Variants in CPLANE1 observed in about 807,000 individuals in gnomAD.
CPLANE1 encodes ciliogenesis and planar polarity effector complex subunit 1, also known as ciliogenesis and planar polarity effector 1.
CPLANE1 carries 263 observed loss-of-function variants against 362.5 expected under a neutral mutation model. The ratio of observed to expected loss-of-function variants is 0.73; its 90% CI spans 0.66 to 0.80. The LOEUF (loss-of-function observed/expected upper bound fraction) is 0.80, where lower values mean the gene tolerates loss of function less well. CPLANE1 is among the 30% of genes least tolerant of loss of function. CPLANE1 has a pLI of 0.00. For missense variants in CPLANE1, 3,461 were observed against 3,793.4 expected (o/e 0.91, Z 2.30); for synonymous variants, 1,212 against 1,302.6 (o/e 0.93, Z 1.50).
At chr5:37,239,206 AG>A (rs1472363521) in intron 7 of CPLANE1, among the ~76,000 whole-genome samples, 1 of 152,164 alleles carries the variant, frequency 6.6e-6, no homozygotes, top group Non-Finnish European at 1.5e-5. Flanking sequence ...CTGAAAGCCA[AG>A]TTTTGAAAGT....
Position 37,173,931 on chromosome 5 carries a change from A to G in CPLANE1, c.5995T>C (p.Tyr1999His), listed in dbSNP as rs747044097. ...SEISSAQIST[Y>H]KEKSSSVPLL... ...GGAACTGAGGAAGATTTTTCTTTATATGTAGAAATCTGTGCACTGCGTGGA... is the reference window on the plus strand; with the variant it reads ...GGAACTGAGGAAGATTTTTCTTTATGTGTAGAAATCTGTGCACTGCGTGGA... The change falls in exon 32 of 53, where the codon TAT becomes CAT. Residue 1999 changes from tyrosine (Y) to histidine (H), a missense_variant. Physicochemically the swap from Tyr to His is moderately conservative, Grantham distance 83. This residue lies in a region of CPLANE1 where 3,380 missense variants were observed against 3,666.1 expected (regional missense o/e 0.92). Transcript: ENST00000651892. 6.2e-7 allele frequency: 1 copy of G among 1,614,102 alleles called. No individual in the cohort carries two copies. The highest frequency in any genetic ancestry group is 1.7e-5 in the Admixed American group (1 of 60,004).
At chr5:37,199,331 G>A (rs1055111887) in intron 19 of CPLANE1, among the ~76,000 whole-genome samples, 7 of 152,086 alleles carry the variant, frequency 4.6e-5, no homozygotes, top group African/African-American at 1.7e-4. Context: ...CTCCATTGGT[G>A]GGATGTTACA....
At chr5:37,211,779 C>G (rs1451134308) in intron 16 of CPLANE1, 1 of 795,286 alleles carries the variant, frequency 1.3e-6, no homozygotes, top group African/African-American at 1.7e-5. Flanking sequence ...AAATGAACTT[C>G]AAGACAAAAG....
chr5:37,109,847 G>C (rs935606773), intron 51 of CPLANE1, among the ~76,000 whole-genome samples: 4 of 152,042 alleles, frequency 2.6e-5, no homozygotes, highest in Non-Finnish European at 4.4e-5. Context: ...AGTAGAGATG[G>C]GGTTTCACCA....
chr5:37,206,498 A>C (rs1210399065), intron 16 of CPLANE1, 73 bp from the exon 17 acceptor site: 1 of 952,582 alleles, frequency 1.0e-6, no homozygotes, highest in Non-Finnish European at 1.6e-6. Context: ...GGGCATATTT[A>C]TCTCTTCAAT....
intron 46 of CPLANE1, among the ~76,000 whole-genome samples, chr5:37,136,697 G>C (rs1767805548): frequency 6.6e-6 from 1 of 152,176 alleles, no homozygotes; most frequent in Non-Finnish European, 1.5e-5. Flanking sequence ...AAATCTACTA[G>C]AAGGTTCCCA....
chr5:37,122,301 T>G, intron 48 of CPLANE1, 129 bp downstream of exon 48: 1 of 740,212 alleles, frequency 1.4e-6, no homozygotes, highest in Non-Finnish European at 2.3e-6. Context: ...CTTGCAGTGA[T>G]AACTCCCATA....
the CPLANE1 span, among the ~76,000 whole-genome samples, chr5:37,076,362 G>A: frequency 6.6e-6 from 1 of 151,782 alleles, no homozygotes; most frequent in Non-Finnish European, 1.5e-5. Flanking sequence ...GTCTCACTCT[G>A]TTACCCAGGT....
chr5:37,243,975 T>G (rs962801932), intron 5 of CPLANE1, among the ~76,000 whole-genome samples: 38 of 151,492 alleles, frequency 2.5e-4, no homozygotes, highest in Admixed American at 2.5e-3. Flanking sequence ...CTCAGCCTCC[T>G]GAGTAGCTGG....
At position 37,209,895 on chromosome 5, in the gene CPLANE1, C is replaced by G; in HGVS notation, c.2921-3470G>C. On this transcript the variant is annotated intron_variant, in intron 16 of 52. Coordinates refer to ENST00000651892, the MANE Select transcript of CPLANE1 (RefSeq NM_001384732.1). The surrounding 1 kb of genome is among the most constrained non-coding windows in gnomAD (Gnocchi z 4.6). ...AGATTCTCTGGCTGAGAAGCTTCAG[C>G]TTATTGATGATCAGTTTGCAGATGC... 6.9e-7 allele frequency: 1 copy of G among 1,441,676 alleles called. No homozygotes were observed. Among genetic ancestry groups the G allele is most frequent in the South Asian group, 1.1e-5 (1 of 87,488 alleles). The allele number at this position is 1,441,676 out of a possible 1,614,324, so 89.3% of individuals were successfully genotyped here.
intron 21 of CPLANE1, among the ~76,000 whole-genome samples, chr5:37,190,370 C>A (rs1252633518): frequency 6.6e-6 from 1 of 151,078 alleles, no homozygotes; most frequent in Non-Finnish European, 1.5e-5. Context: ...GAGTTCGAGA[C>A]CAGCTTGGGC....
rs763313083 is a variant in CPLANE1 at position 37,224,230 on chromosome 5, C to G, written c.2581+23G>C. On this transcript the variant is annotated intron_variant, in intron 14 of 52. Coordinates refer to ENST00000651892, the MANE Select transcript of CPLANE1 (RefSeq NM_001384732.1). ...AAGGAGTCCTGCTAATATTATGGCA[C>G]ATATTTTTTAACACTCTCTTACCTT... The G allele has an allele frequency of 2.0e-5, 30 of 1,483,156 alleles. No homozygotes were observed. In the South Asian group the frequency reaches 3.5e-4, roughly 17 times the overall value. The allele number at this position is 1,483,156 out of a possible 1,614,324, so 91.9% of individuals were successfully genotyped here.
At chr5:37,092,940 A>G in the CPLANE1 span, among the ~76,000 whole-genome samples, 2 of 152,144 alleles carry the variant, frequency 1.3e-5, no homozygotes, top group South Asian at 4.1e-4. Context: ...CACCTCATGT[A>G]TCATTAATTA....
chr5:37,198,115 A>G (rs770498369), intron 20 of CPLANE1, among the ~76,000 whole-genome samples: 1 of 152,214 alleles, frequency 6.6e-6, no homozygotes, highest in Non-Finnish European at 1.5e-5. Context: ...CAGCAGGCAT[A>G]TAAAGGATTT....
chr5:37,190,622 A>G (rs1490930593), intron 21 of CPLANE1, among the ~76,000 whole-genome samples: 1 of 152,172 alleles, frequency 6.6e-6, no homozygotes, highest in African/African-American at 2.4e-5. Context: ...AAAACTATAG[A>G]AAAGACATAT....
At chr5:37,176,692 T>A (rs550891107) in intron 30 of CPLANE1, among the ~76,000 whole-genome samples, 92 of 152,260 alleles carry the variant, frequency 6.0e-4, no homozygotes, top group African/African-American at 2.0e-3. Flanking sequence ...AATGCATTCT[T>A]TTTAACTGTC....
At chr5:37,233,155 T>C (rs561955920) in intron 8 of CPLANE1, among the ~76,000 whole-genome samples, 2 of 152,134 alleles carry the variant, frequency 1.3e-5, no homozygotes. Flanking sequence ...GGAAAACACA[T>C]GGAATCCCAC....
rs988332114 is a variant in CPLANE1 at position 37,157,709 on chromosome 5, C to T, written c.7972G>A (p.Val2658Ile). 1.2e-6 allele frequency: 2 copies of T among 1,613,924 alleles called. No individual in the cohort carries two copies. Among genetic ancestry groups the T allele is most frequent in the Admixed American group, 1.7e-5 (1 of 60,006 alleles). The change falls in exon 40 of 53, where the codon GTT becomes ATT. Residue 2658 changes from valine to isoleucine, a missense_variant. Val to Ile is a conservative substitution (Grantham distance 29). Coordinates refer to ENST00000651892, the MANE Select transcript of CPLANE1 (RefSeq NM_001384732.1). ...SAELHYMAAS[V>I]TNAVPPHNFK... is the part of the protein sequence containing the mutation. ...TTATGTGGGGGAACAGCATTAGTAA[C>T]TGAAGCTGCCATATAATGTAACTCT...
chr5:37,170,483 A>ATTTTTT, intron 32 of CPLANE1, 152 bp from the exon 33 acceptor site: 2 of 629,990 alleles, frequency 3.2e-6, no homozygotes, highest in Non-Finnish European at 4.9e-6. Flanking sequence ...AGTCAGGGAA[A>ATTTTTT]TTTTTTTTTT....
Sources: allele counts gnomAD v4.1 joint callset (sites outside exome capture counted in the v4.1 genomes callset), GRCh38; gene constraint gnomAD v4.1.1; regional missense constraint gnomAD v4.1.1; non-coding constraint Gnocchi (gnomAD v3.1); transcripts MANE v1.5; gene names NCBI Gene and HGNC (gene_info 2026-07-23, HGNC 2026-07-21).